Variants in LHFPL3 observed in about 807,000 individuals in gnomAD.
LHFPL3 encodes LHFPL tetraspan subfamily member 3 protein.
In LHFPL3, 5 loss-of-function variants were observed where a neutral mutation model predicts 19.3. That is an observed-to-expected ratio of 0.26 (90% CI 0.14 to 0.54). The LOEUF (loss-of-function observed/expected upper bound fraction) is 0.54, where lower values mean the gene tolerates loss of function less well. Ranked by LOEUF, LHFPL3 falls within the 20% of genes least tolerant of loss-of-function variation. The pLI is 0.94. For synonymous variants in LHFPL3, 133 were observed against 126.2 expected (o/e 1.05, Z -0.36); for missense variants, 249 against 307.4 (o/e 0.81, Z 1.42).
At chr7:104,586,019 T>C (rs1447930355) in intron 1 of LHFPL3, among the ~76,000 whole-genome samples, 1 of 152,240 alleles carries the variant, frequency 6.6e-6, no homozygotes, top group East Asian at 1.9e-4. Context: ...ACTTTCATGG[T>C]AATAATTACA....
rs1465761665 is a variant in LHFPL3, at chr7:104,465,428, G to C, written c.445+136204G>C. 5.3e-5 allele frequency among the ~76,000 whole-genome samples: 8 copies of C among 152,270 alleles called. 1 individual carries two copies. In the South Asian group the frequency reaches 1.2e-3, roughly 24 times the overall value. ...TTACAGCAGCACCCCACTCTCTGCA[G>C]TACTGAATTTACTGTATTAGTCTGT... On this transcript the variant is annotated intron_variant, in intron 1 of 2. Coordinates refer to ENST00000424859, the MANE Select transcript of LHFPL3 (RefSeq NM_199000.3).
At chr7:104,367,395 A>G (rs765281991) in intron 1 of LHFPL3, among the ~76,000 whole-genome samples, 2 of 152,224 alleles carry the variant, frequency 1.3e-5, no homozygotes, top group African/African-American at 2.4e-5. Flanking sequence ...TGTCGTCAAC[A>G]TCTTTCTTAC....
intron 1 of LHFPL3, among the ~76,000 whole-genome samples, chr7:104,600,593 G>C (rs1790943892): frequency 6.6e-6 from 1 of 152,128 alleles, no homozygotes; most frequent in South Asian, 2.1e-4. Flanking sequence ...CTTATCCTCA[G>C]AGTGAAGAAG....
At position 104,636,199 on chromosome 7, in the gene LHFPL3, T is replaced by A. The variant is rs1791726408; in HGVS notation, c.446-100476T>A. Among the ~76,000 whole-genome samples the A allele has an allele frequency of 2.0e-5, 3 of 151,982 alleles. No individual in the cohort carries two copies. In the East Asian group the frequency reaches 5.8e-4, roughly 29 times the overall value. ...GAATATTCACCTACCATAAAGGAAA[T>A]TAAGAGCTTTTTTCAATAGTTAGTG... is the stretch of plus-strand genomic sequence containing the variant. On this transcript the variant is annotated intron_variant, in intron 1 of 2. Transcript: ENST00000424859.
chr7:104,346,080 GGCTGGAGTGCAGTGGTGTGATCT>G (rs1790059663), intron 1 of LHFPL3, among the ~76,000 whole-genome samples: 2 of 149,864 alleles, frequency 1.3e-5, no homozygotes, highest in African/African-American at 4.9e-5. Context: ...CTGTTGCCCA[GGCTGGAGTGCAGTGGTGTGATCT>G]TGGCTCACTG....
intron 1 of LHFPL3, among the ~76,000 whole-genome samples, chr7:104,451,325 G>A (rs1490308413): frequency 6.6e-6 from 1 of 152,162 alleles, no homozygotes; most frequent in Non-Finnish European, 1.5e-5. Flanking sequence ...CATGTTCGAG[G>A]TTAAGATAGC....
intron 2 of LHFPL3, among the ~76,000 whole-genome samples, chr7:104,764,165 G>GTTTGT (rs1298279598): frequency 6.6e-6 from 1 of 151,682 alleles, no homozygotes; most frequent in African/African-American, 2.4e-5. Context: ...TCCTTTTTTT[G>GTTTGT]TTTGTTTTGT....
intron 2 of LHFPL3, among the ~76,000 whole-genome samples, chr7:104,899,219 A>C (rs1006980577): frequency 6.6e-6 from 1 of 152,136 alleles, no homozygotes; most frequent in South Asian, 2.1e-4. Flanking sequence ...CAGGTTGGAA[A>C]GGAAGTACCC....
chr7:104,803,030 T>G (rs979290548), intron 2 of LHFPL3: 1 of 152,270 alleles, frequency 6.6e-6, no homozygotes, highest in East Asian at 1.9e-4. Context: ...CTACTCCTGC[T>G]CTAACCTCAA....
intron 1 of LHFPL3, among the ~76,000 whole-genome samples, chr7:104,570,371 G>T (rs145319916): frequency 6.6e-6 from 1 of 152,146 alleles, no homozygotes; most frequent in African/African-American, 2.4e-5. Context: ...TCACCCAAAA[G>T]AATGACCTTC....
chr7:104,834,043 A>G (rs959315590), intron 2 of LHFPL3, among the ~76,000 whole-genome samples: 6 of 150,456 alleles, frequency 4.0e-5, no homozygotes, highest in Non-Finnish European at 8.8e-5. Context: ...CATCTAGCAC[A>G]GGAGAAAATT....
Position 104,651,994 on chromosome 7 carries a change from G to C in LHFPL3, c.446-84681G>C, listed in dbSNP as rs61404692. 2.6e-3 allele frequency among the ~76,000 whole-genome samples: 401 copies of C among 152,302 alleles called. 2 individuals carry two copies. The highest frequency in any genetic ancestry group is 9.3e-3 in the African/African-American group (385 of 41,554). On this transcript the variant is annotated intron_variant, in intron 1 of 2. Transcript: ENST00000424859. ...GTAACCTTATCTACGTCCCCCATATGATCCACAGGCTTTTGTGATAAGATG... is the reference window on the plus strand; with the variant it reads ...GTAACCTTATCTACGTCCCCCATATCATCCACAGGCTTTTGTGATAAGATG...
At chr7:104,685,784 C>A (rs1792793234) in intron 1 of LHFPL3, among the ~76,000 whole-genome samples, 1 of 152,188 alleles carries the variant, frequency 6.6e-6, no homozygotes, top group African/African-American at 2.4e-5. Context: ...ATAGTGTTCT[C>A]AGACCTGCCT....
At chr7:104,749,649 C>A (rs1320216715) in intron 2 of LHFPL3, among the ~76,000 whole-genome samples, 3 of 152,258 alleles carry the variant, frequency 2.0e-5, no homozygotes, top group African/African-American at 7.2e-5. Flanking sequence ...GCCCTTAAGT[C>A]AGTTAACATA....
At chr7:104,734,110 T>G (rs1399875156) in intron 1 of LHFPL3, among the ~76,000 whole-genome samples, 1 of 152,224 alleles carries the variant, frequency 6.6e-6, no homozygotes, top group Admixed American at 6.5e-5. Context: ...CTGATGGGCT[T>G]CCCTTTGTGG....
intron 2 of LHFPL3, among the ~76,000 whole-genome samples, chr7:104,902,646 C>T (rs1256643730): frequency 6.6e-6 from 1 of 152,032 alleles, no homozygotes; most frequent in Non-Finnish European, 1.5e-5. Context: ...ATTAGCTGGG[C>T]ATGGTGGCGC....
intron 1 of LHFPL3, among the ~76,000 whole-genome samples, chr7:104,509,906 A>G (rs1490436421): frequency 6.6e-6 from 1 of 152,156 alleles, no homozygotes; most frequent in Non-Finnish European, 1.5e-5. Context: ...AAGATATAAT[A>G]TAAACATATA....
chr7:104,588,404 T>C (rs1054721722), intron 1 of LHFPL3, among the ~76,000 whole-genome samples: 5 of 152,186 alleles, frequency 3.3e-5, no homozygotes, highest in African/African-American at 9.7e-5. Context: ...TTTTGTCAGG[T>C]TTGTCAAAGA....
intron 1 of LHFPL3, among the ~76,000 whole-genome samples, chr7:104,628,605 G>T (rs1413901068): frequency 6.6e-6 from 1 of 152,112 alleles, no homozygotes; most frequent in Non-Finnish European, 1.5e-5. Flanking sequence ...TTCCCTTGTT[G>T]TCCTATCAGG....
Sources: gnomAD v4.1 joint callset for allele counts (sites outside exome capture counted in the v4.1 genomes callset) on GRCh38, gnomAD v4.1.1 for gene constraint, MANE v1.5 for transcripts, NCBI Gene and HGNC (gene_info 2026-07-23, HGNC 2026-07-21) for gene names.